The following MAP4K2 variants were observed in gnomAD, a reference collection of about 807,000 sequenced individuals.
MAP4K2 encodes mitogen-activated protein kinase kinase kinase kinase 2.
A neutral mutation model predicts 125.3 loss-of-function variants in MAP4K2; 85 were observed. The ratio of observed to expected loss-of-function variants is 0.68; its 90% CI spans 0.57 to 0.81. The LOEUF is 0.81. MAP4K2 is among the 40% of genes least tolerant of loss of function. MAP4K2 has a pLI of 0.00. For missense variants in MAP4K2, 923 were observed against 1,056.4 expected (o/e 0.87, Z 1.75); for synonymous variants, 479 against 445.1 (o/e 1.08, Z -0.96).
chr11:64,797,784 C>A (rs1940915940), intron 15 of MAP4K2, 120 bp from the exon 16 acceptor site: 5 of 948,644 alleles, frequency 5.3e-6, no homozygotes, highest in Admixed American at 3.3e-5. Context: ...CGGCTCACTG[C>A]AAGCTCCGCC....
intron 12 of MAP4K2, 146 bp downstream of exon 12, chr11:64,799,963 T>G (rs1479241839): frequency 9.7e-6 from 7 of 719,120 alleles, no homozygotes; most frequent in Non-Finnish European, 1.4e-5. Context: ...AAAGTCAGCA[T>G]GACAGAGACT....
chr11:64,787,782 T>C lies in MAP4K2; in HGVS notation c.*1755A>G, dbSNP rs2136031269. 6.6e-6 allele frequency: 1 copy of C among 152,374 alleles called. No homozygotes were observed. The highest frequency in any genetic ancestry group is 1.9e-4 in the East Asian group (1 of 5,184). The allele number at this position is 152,374 out of a possible 1,614,324, so 9.4% of individuals were successfully genotyped here. On this transcript the variant is annotated 3_prime_UTR_variant, in exon 32 of 32. Transcript: ENST00000294066. ...GAGGCACTGTCTGCTGCTGGCCGGTTGGTGAACGGAAAGCCAGTCCTCCCC... is the reference window on the plus strand; with the variant it reads ...GAGGCACTGTCTGCTGCTGGCCGGTCGGTGAACGGAAAGCCAGTCCTCCCC...
chr11:64,794,437 G>A (rs1394526483), intron 24 of MAP4K2, among the ~76,000 whole-genome samples: 1 of 151,176 alleles, frequency 6.6e-6, no homozygotes, highest in Non-Finnish European at 1.5e-5. Flanking sequence ...TCGGCTCATT[G>A]CAACCTCCGC....
rs985438141 is a variant in MAP4K2, at chr11:64,787,023, AT to A, written c.*2513del. ...TTCATATTCTCCAGGATATATATAT[AT>A]TTTTTTCTCTTTTTTTTTTTTTTGA... On this transcript the variant is annotated 3_prime_UTR_variant, in exon 32 of 32. Coordinates refer to ENST00000294066, the MANE Select transcript of MAP4K2 (RefSeq NM_004579.5). 3.9e-5 allele frequency: 5 copies of A among 126,876 alleles called. No homozygotes were observed. In the East Asian group the frequency reaches 9.8e-4, roughly 25 times the overall value. 7.9% of individuals were successfully genotyped at this position (126,876 alleles called of 1,614,324 possible).
At chr11:64,792,335 C>CCCCG in intron 25 of MAP4K2, 29 bp downstream of exon 25, 8 of 1,520,522 alleles carry the variant, frequency 5.3e-6, no homozygotes, top group Non-Finnish European at 5.4e-6. Flanking sequence ...CACCAGGCCC[C>CCCCG]GCCCCACCCC....
rs958226554 is a variant in MAP4K2, at chr11:64,786,468, C to G, written c.*3069G>C. On this transcript the variant is annotated 3_prime_UTR_variant, in exon 32 of 32. Coordinates refer to ENST00000294066, the MANE Select transcript of MAP4K2 (RefSeq NM_004579.5). ...CAGGTGCTGGACATGCCACAGGGAACACGGCAGATCCTCCGCCGTCCCGAA... is the reference window on the plus strand; with the variant it reads ...CAGGTGCTGGACATGCCACAGGGAAGACGGCAGATCCTCCGCCGTCCCGAA... The G allele has an allele frequency of 6.6e-6, 1 of 152,236 alleles. No homozygotes were observed. Among genetic ancestry groups the G allele is most frequent in the Non-Finnish European group, 1.5e-5 (1 of 68,064 alleles). 9.4% of individuals were successfully genotyped at this position (152,236 alleles called of 1,614,324 possible).
rs778561381 is a variant in MAP4K2 at position 64,803,137 on chromosome 11, G to C, written c.13C>G (p.Arg5Gly). Residue 5 changes from arginine (R) to glycine (G), a missense_variant, in exon 1 of 32, where the codon CGG becomes GGG. This residue lies in a region of MAP4K2 where 833 missense variants were observed against 911.4 expected (regional missense o/e 0.91). Coordinates refer to ENST00000294066, the MANE Select transcript of MAP4K2 (RefSeq NM_004579.5). MALL[R>G]DVSLQDPRDR... ...CGCGGGTCCTGCAGCGACACATCCC[G>C]CAGCAGCGCCATGGCCCGGCGCCGG... 6.5e-7 allele frequency: 1 copy of C among 1,528,564 alleles called. No homozygotes were observed. The allele number at this position is 1,528,564 out of a possible 1,614,324, so 94.7% of individuals were successfully genotyped here.
chr11:64,792,017 G>C lies in MAP4K2; in HGVS notation c.1984C>G (p.Pro662Ala). 4.4e-6 allele frequency: 7 copies of C among 1,598,094 alleles called. No homozygotes were observed. Among genetic ancestry groups the C allele is most frequent in the Non-Finnish European group, 6.0e-6 (7 of 1,173,050 alleles). The change falls in exon 27 of 32, where the codon CCG becomes GCG. Residue 662 changes from proline (P) to alanine (A), a missense_variant. This residue lies in a region of MAP4K2 where 833 missense variants were observed against 911.4 expected (regional missense o/e 0.91). Transcript: ENST00000294066. ...CCCTCGGCCCCAACACACACCTGCG[G>C]CAGCTCCTTCCCATCCAGCACCAGC... is the stretch of plus-strand genomic sequence containing the variant. The part of the protein sequence containing the change: ...EPLVLDGKEL[P>A]QVCVGAEGPE...
Position 64,802,975 on chromosome 11 carries a change from G to C in MAP4K2, c.97-33C>G, listed in dbSNP as rs771355271. 23 of 1,556,656 alleles carry C rather than the reference G, an allele frequency of 1.5e-5. No individual in the cohort carries two copies. The Admixed American group carries it at 4.1e-4, about 28-fold the overall frequency. ...GGCGGAGGGTGAAGCGGGATGGGGG[G>C]CGGGGCCGGGGGCTAGATCCTGCCG... On this transcript the variant is annotated intron_variant, in intron 1 of 31. Coordinates refer to ENST00000294066, the MANE Select transcript of MAP4K2 (RefSeq NM_004579.5).
At position 64,789,530 on chromosome 11, in the gene MAP4K2, G is replaced by T. The variant is rs751416356; in HGVS notation, c.*7C>A. On this transcript the variant is annotated 3_prime_UTR_variant, in exon 32 of 32. Transcript: ENST00000294066. ...GGGCGGGGAGCCCCTGGACAGGCCC[G>T]CTGCTCTTAGTAGGTGCTCTGGTGG... The T allele has an allele frequency of 6.4e-7, 1 of 1,570,500 alleles. No individual in the cohort carries two copies. Among genetic ancestry groups the T allele is most frequent in the East Asian group, 2.3e-5 (1 of 42,828 alleles).
At chr11:64,791,005 A>G (rs1049596148) in intron 27 of MAP4K2, among the ~76,000 whole-genome samples, 1 of 152,176 alleles carries the variant, frequency 6.6e-6, no homozygotes, top group Non-Finnish European at 1.5e-5. Context: ...ACGTGGTGGC[A>G]CATGCTTGTA....
intron 2 of MAP4K2, 39 bp downstream of exon 2, chr11:64,802,846 G>T: frequency 6.3e-7 from 1 of 1,584,226 alleles, no homozygotes; most frequent in Non-Finnish European, 8.6e-7. Flanking sequence ...CGGGCGCTCT[G>T]CCCTTCCTCT....
At chr11:64,790,681 A>C (rs980919047) in intron 27 of MAP4K2, among the ~76,000 whole-genome samples, 1 of 152,074 alleles carries the variant, frequency 6.6e-6, no homozygotes, top group Non-Finnish European at 1.5e-5. Flanking sequence ...GTGGAGGAGG[A>C]GTCACGGGGA....
intron 28 of MAP4K2, 54 bp downstream of exon 28, chr11:64,790,340 G>A (rs1266538141): frequency 1.5e-5 from 24 of 1,612,822 alleles, no homozygotes; most frequent in Non-Finnish European, 2.0e-5. Context: ...AGACCCACGT[G>A]GTCGCCTTAC....
rs1370533337 is a variant in MAP4K2, at chr11:64,790,440, C to A, written c.2115G>T (p.Gln705His). Residue 705 changes from glutamine to histidine, a missense_variant, in exon 28 of 32, where the codon CAG (glutamine) becomes CAT (histidine). Around this residue, in one of 2 missense-constraint regions of MAP4K2, gnomAD observed 833 missense variants for 911.4 expected, o/e 0.91. Coordinates refer to ENST00000294066, the MANE Select transcript of MAP4K2 (RefSeq NM_004579.5). The part of the protein sequence containing the change: ...IPPEGIPGSA[Q>H]QVIQVDRDTI... Reference sequence around the variant, plus strand: ...TGTCCCTGTCCACCTGGATCACCTGCTGGGCCGAGCCTGGGATCCCCTCTG... The same window carrying A: ...TGTCCCTGTCCACCTGGATCACCTGATGGGCCGAGCCTGGGATCCCCTCTG... The A allele has an allele frequency of 6.2e-7, 1 of 1,614,088 alleles. No individual in the cohort carries two copies. Among genetic ancestry groups the A allele is most frequent in the Admixed American group, 1.7e-5 (1 of 60,026 alleles).
In MAP4K2 at chr11:64,802,869, C is replaced by G; in HGVS notation, c.154+16G>C. The G allele has an allele frequency of 1.3e-6, 2 of 1,597,352 alleles. No homozygotes were observed. The highest frequency in any genetic ancestry group is 1.7e-6 in the Non-Finnish European group (2 of 1,172,990). ...CTGCCCTTCCTCTGGCGCAGAGGCC[C>G]GACCCGGGCCCTCACCTGGGTCTAG... On this transcript the variant is annotated intron_variant, in intron 2 of 31. Coordinates refer to ENST00000294066, the MANE Select transcript of MAP4K2 (RefSeq NM_004579.5).
rs984275251 is a variant in MAP4K2, at chr11:64,798,669, A to G, written c.1097+125T>C. 20 of 953,500 alleles carry G rather than the reference A, an allele frequency of 2.1e-5. No individual in the cohort carries two copies. In the African/African-American group the frequency reaches 3.1e-4, roughly 15 times the overall value. 59.1% of individuals were successfully genotyped at this position (953,500 alleles called of 1,614,324 possible). ...AAGCTGGTCTTGAACTCCTGACCTC[A>G]GGTGATCCACCCACCTCAGCCTCCT... On this transcript the variant is annotated intron_variant, in intron 15 of 31. Transcript: ENST00000294066.
At chr11:64,799,814 G>A (rs1941052887) in intron 12 of MAP4K2, 131 bp from the exon 13 acceptor site, 3 of 711,626 alleles carry the variant, frequency 4.2e-6, no homozygotes, top group East Asian at 2.7e-5. Flanking sequence ...AAATAAAATG[G>A]AACCCCACTT....
chr11:64,799,306 C>T, intron 14 of MAP4K2, 115 bp downstream of exon 14: 1 of 1,329,920 alleles, frequency 7.5e-7, no homozygotes, highest in Non-Finnish European at 1.1e-6. Context: ...GTCTAAGGCC[C>T]AAGGCCCGAG....
Sources: gnomAD v4.1 joint callset for allele counts (sites outside exome capture counted in the v4.1 genomes callset) on GRCh38, gnomAD v4.1.1 for gene constraint, gnomAD v4.1.1 regional missense constraint, MANE v1.5 for transcripts, NCBI Gene and HGNC (gene_info 2026-07-23, HGNC 2026-07-21) for gene names.